Variants in CHL1 observed in about 807,000 individuals in gnomAD.
CHL1 encodes the protein neural cell adhesion molecule L1-like protein.
CHL1 carries 96 observed loss-of-function variants against 141.9 expected under a neutral mutation model. The observed-to-expected ratio is 0.68, with a 90% CI of 0.57 to 0.80. The LOEUF (loss-of-function observed/expected upper bound fraction) is 0.80, where lower values mean the gene tolerates loss of function less well. Ranked by LOEUF, CHL1 falls within the 30% of genes least tolerant of loss-of-function variation. The probability of loss-of-function intolerance (pLI) is 0.00; values close to 1 mark genes in which losing one functional copy is unlikely to be tolerated. For missense variants in CHL1, 1,820 were observed against 1,457.2 expected, an observed-to-expected ratio of 1.25 and a Z score of -4.05; for synonymous variants, 613 against 502.2, an observed-to-expected ratio of 1.22 and a Z score of -2.95.
At chr3:233,737 T>C (rs1159069392) in intron 1 of CHL1, among the ~76,000 whole-genome samples, 1 of 152,152 alleles carries the variant, frequency 6.6e-6, no homozygotes. Context: ...GCATTCAATA[T>C]TCTTTAAAAA....
At chr3:250,594 GTCC>G (rs1693598680) in intron 2 of CHL1, among the ~76,000 whole-genome samples, 1 of 152,054 alleles carries the variant, frequency 6.6e-6, no homozygotes, top group Admixed American at 6.6e-5. Context: ...GGAAGTGTAT[GTCC>G]TCCTTTTAGG....
intron 1 of CHL1, among the ~76,000 whole-genome samples, chr3:213,019 A>C (rs979388105): frequency 7.2e-5 from 11 of 152,246 alleles, no homozygotes. Flanking sequence ...CAAACAATGA[A>C]AAGTAAGAGC....
intron 8 of CHL1, among the ~76,000 whole-genome samples, chr3:343,772 T>A (rs1034565344): frequency 2.6e-5 from 4 of 152,194 alleles, no homozygotes; most frequent in South Asian, 2.1e-4. Flanking sequence ...TAAGGTGGAC[T>A]GATTCATCCC....
chr3:266,325 G>A (rs530067449), intron 2 of CHL1, among the ~76,000 whole-genome samples: 1 of 152,194 alleles, frequency 6.6e-6, no homozygotes, highest in African/African-American at 2.4e-5. Context: ...GACAAATGGA[G>A]ACATTTCTTT....
At chr3:300,405 T>C (rs1698618553) in intron 2 of CHL1, among the ~76,000 whole-genome samples, 1 of 152,134 alleles carries the variant, frequency 6.6e-6, no homozygotes, top group Non-Finnish European at 1.5e-5. Context: ...AAGACATGGA[T>C]TTGGGTTCTG....
chr3:227,455 A>G (rs778674911), intron 1 of CHL1, among the ~76,000 whole-genome samples: 2 of 152,200 alleles, frequency 1.3e-5, no homozygotes, highest in South Asian at 2.1e-4. Flanking sequence ...AACATCCTCA[A>G]TGACTGTTAC....
rs75980921 is a variant in CHL1 at position 319,253 on chromosome 3, A to G, written c.-94-430A>G. 2.7e-3 allele frequency among the ~76,000 whole-genome samples: 407 copies of G among 151,528 alleles called. 2 individuals carry two copies. The highest frequency in any genetic ancestry group is 9.4e-3 in the African/African-American group (385 of 41,168). On this transcript the variant is annotated intron_variant, in intron 2 of 27. Transcript: ENST00000256509. ...GAGGGTAAGAAGGAGTGAGGATTGA[A>G]AAACTACCTATCGGGTGCTATGCTC...
intron 2 of CHL1, among the ~76,000 whole-genome samples, chr3:316,495 C>T (rs902696600): frequency 7.3e-5 from 11 of 151,602 alleles, no homozygotes; most frequent in South Asian, 6.3e-4. Flanking sequence ...GGATGAGCTA[C>T]GATCGTAGGA....
chr3:242,526 G>A (rs966015894), intron 1 of CHL1, among the ~76,000 whole-genome samples: 1 of 151,966 alleles, frequency 6.6e-6, no homozygotes, highest in African/African-American at 2.4e-5. Flanking sequence ...AACCAGGGAG[G>A]CAGAGCTTGC....
intron 1 of CHL1, among the ~76,000 whole-genome samples, chr3:229,577 A>G (rs1277115223): frequency 6.6e-6 from 1 of 152,166 alleles, no homozygotes; most frequent in Non-Finnish European, 1.5e-5. Flanking sequence ...TTTTCCAGAA[A>G]TACTTGTGTA....
chr3:244,813 C>T (rs1379761603), intron 2 of CHL1, 121 bp downstream of exon 2: 2 of 152,148 alleles, frequency 1.3e-5, no homozygotes, highest in Non-Finnish European at 2.9e-5. Context: ...CTTTTGTCTT[C>T]ACTACGGTCT....
At chr3:309,995 C>G (rs1395185780) in intron 2 of CHL1, among the ~76,000 whole-genome samples, 1 of 152,134 alleles carries the variant, frequency 6.6e-6, no homozygotes, top group Non-Finnish European at 1.5e-5. Context: ...GACCTTTCAG[C>G]TTACCTGGAA....
At chr3:218,002 T>C (rs1700472835) in intron 1 of CHL1, among the ~76,000 whole-genome samples, 1 of 152,220 alleles carries the variant, frequency 6.6e-6, no homozygotes, top group South Asian at 2.1e-4. Context: ...TTATTTATTG[T>C]ACTTCTATTA....
intron 13 of CHL1, among the ~76,000 whole-genome samples, chr3:362,068 T>C (rs537041159): frequency 6.6e-6 from 1 of 152,268 alleles, no homozygotes; most frequent in South Asian, 2.1e-4. Context: ...ATTGAAGAGA[T>C]TACAGAGACA....
At chr3:308,301 C>T (rs34303353) in intron 2 of CHL1, among the ~76,000 whole-genome samples, 15,164 of 152,034 alleles carry the variant, frequency 0.1, 1,066 homozygotes, top group East Asian at 0.32. Flanking sequence ...TCTAGGCAAG[C>T]GCAAAAATAA....
In CHL1 at chr3:391,764, A is replaced by G; in HGVS notation, c.2881A>G (p.Asn961Asp). ...GGGACTACCTAAGAAATTAAATGGA[A>G]ACTTAACTGGCTATCTTTTGCAATA... ...SWGLPKKLNGNLTGYLLQYQI... is the reference protein window; with the variant it reads ...SWGLPKKLNGDLTGYLLQYQI... Residue 961 changes from asparagine (N) to aspartate (D), a missense_variant, in exon 23 of 28, where the codon AAC becomes GAC. Asn to Asp is a conservative substitution (Grantham distance 23). Coordinates refer to ENST00000256509, the MANE Select transcript of CHL1 (RefSeq NM_006614.4). 6.3e-7 allele frequency: 1 copy of G among 1,599,442 alleles called. No homozygotes were observed. Among genetic ancestry groups the G allele is most frequent in the East Asian group, 2.2e-5 (1 of 44,648 alleles).
chr3:338,725 C>T (rs1487510916), intron 5 of CHL1, among the ~76,000 whole-genome samples: 4 of 152,268 alleles, frequency 2.6e-5, no homozygotes, highest in African/African-American at 9.6e-5. Flanking sequence ...ATTTATGGCA[C>T]GCGATAGCAG....
chr3:367,345 C>T (rs1285014163), intron 15 of CHL1, among the ~76,000 whole-genome samples: 1 of 152,318 alleles, frequency 6.6e-6, no homozygotes, highest in East Asian at 1.9e-4. Context: ...GAGACAGCAA[C>T]ACTGCCATGG....
chr3:236,215 GA>G (rs943720185), intron 1 of CHL1, among the ~76,000 whole-genome samples: 22 of 151,816 alleles, frequency 1.4e-4, no homozygotes, highest in African/African-American at 4.8e-4. Flanking sequence ...TTCGACTGCA[GA>G]AAAAAAACAG....
Sources: gnomAD v4.1 joint callset for allele counts (sites outside exome capture counted in the v4.1 genomes callset) on GRCh38, gnomAD v4.1.1 for gene constraint, MANE v1.5 for transcripts, NCBI Gene and HGNC (gene_info 2026-07-23, HGNC 2026-07-21) for gene names.